Variants in ANK3 observed in about 807,000 individuals in gnomAD.
ANK3 encodes the protein ankyrin 3, also known as ankyrin-3.
In ANK3, 57 loss-of-function variants were observed where a neutral mutation model predicts 370.9. That is an observed-to-expected ratio of 0.15 (90% CI 0.12 to 0.19). The LOEUF (loss-of-function observed/expected upper bound fraction) is 0.19. ANK3 is among the 10% of genes least tolerant of loss of function. ANK3 has a pLI of 1.00. For missense variants in ANK3, 4,439 were observed against 5,302.1 expected (o/e 0.84, Z 5.06); for synonymous variants, 1,929 against 1,946.3 (o/e 0.99, Z 0.23).
intron 16 of ANK3, among the ~76,000 whole-genome samples, chr10:60,194,889 C>T (rs1447790068): frequency 2.6e-5 from 4 of 151,986 alleles, no homozygotes; most frequent in Admixed American, 1.3e-4. Context: ...AGAAAATGAT[C>T]GAAAGTTTCC....
chr10:60,382,916 C>T (rs1403506867), intron 1 of ANK3, among the ~76,000 whole-genome samples: 1 of 150,616 alleles, frequency 6.6e-6, no homozygotes, highest in Non-Finnish European at 1.5e-5. Context: ...ATATACAAAT[C>T]TAGATTTTGC....
chr10:60,617,938 GAT>G (rs1477015925), intron 1 of ANK3, among the ~76,000 whole-genome samples: 1 of 152,108 alleles, frequency 6.6e-6, no homozygotes, highest in African/African-American at 2.4e-5. Context: ...TCTTTTAACT[GAT>G]TAAAAGAGCA....
At chr10:60,413,338 T>C (rs1318899787) in intron 2 of ANK3, among the ~76,000 whole-genome samples, 2 of 152,256 alleles carry the variant, frequency 1.3e-5, no homozygotes, top group African/African-American at 2.4e-5. Context: ...CGTTCCTTTA[T>C]GTTACTACCT....
intron 1 of ANK3, among the ~76,000 whole-genome samples, chr10:60,352,150 A>G (rs1359674790): frequency 2.0e-5 from 3 of 152,050 alleles, no homozygotes; most frequent in Non-Finnish European, 4.4e-5. Context: ...ACCAAAAATT[A>G]GTCAGGCATG....
In ANK3 at chr10:60,532,333, C is replaced by G. The variant is rs139291217; in HGVS notation, c.96+82853G>C. On this transcript the variant is annotated intron_variant, in intron 2 of 43. Coordinates refer to the ANK3 transcript ENST00000373827. ...GGGTGCACTCTTTCATTTACACAACCAGGGTGCTGCTGTACCTCCCAGGAC... is the reference window on the plus strand; with the variant it reads ...GGGTGCACTCTTTCATTTACACAACGAGGGTGCTGCTGTACCTCCCAGGAC... Among the ~76,000 whole-genome samples the G allele has an allele frequency of 2.0e-5, 3 of 152,232 alleles. 1 individual carries two copies. The highest frequency in any genetic ancestry group is 7.2e-5 in the African/African-American group (3 of 41,546).
intron 2 of ANK3, among the ~76,000 whole-genome samples, chr10:60,531,125 G>A (rs1034978226): frequency 6.6e-6 from 1 of 152,060 alleles, no homozygotes; most frequent in African/African-American, 2.4e-5. Context: ...GATGTTTTTG[G>A]ACTTTGGGTG....
chr10:60,380,603 G>C (rs1457458686), intron 1 of ANK3, among the ~76,000 whole-genome samples: 1 of 152,122 alleles, frequency 6.6e-6, no homozygotes, highest in Non-Finnish European at 1.5e-5. Context: ...TAGAATGCCT[G>C]GCCCACTGTA....
At chr10:60,535,408 T>C (rs2076701216) in intron 2 of ANK3, among the ~76,000 whole-genome samples, 1 of 152,122 alleles carries the variant, frequency 6.6e-6, no homozygotes, top group South Asian at 2.1e-4. Flanking sequence ...TAGTCCTTTA[T>C]TGCAGAAGAC....
intron 1 of ANK3, among the ~76,000 whole-genome samples, chr10:60,626,726 A>G (rs1045715354): frequency 2.0e-5 from 3 of 152,182 alleles, no homozygotes; most frequent in African/African-American, 7.2e-5. Flanking sequence ...TTTAAAAGGT[A>G]AAAGGAGACA....
At chr10:60,668,750 T>A (rs1418255278) in intron 1 of ANK3, among the ~76,000 whole-genome samples, 1 of 152,036 alleles carries the variant, frequency 6.6e-6, no homozygotes, top group Non-Finnish European at 1.5e-5. Flanking sequence ...TCCCAGCACT[T>A]TGGGAGGCTG....
chr10:60,430,627 A>G (rs1595017012), intron 2 of ANK3, among the ~76,000 whole-genome samples: 2 of 152,302 alleles, frequency 1.3e-5, no homozygotes, highest in African/African-American at 4.8e-5. Flanking sequence ...TGGTTATCCT[A>G]GTTACACGTA....
At chr10:60,161,666 CAT>C (rs1415288121) in intron 23 of ANK3, among the ~76,000 whole-genome samples, 2 of 151,622 alleles carry the variant, frequency 1.3e-5, no homozygotes, top group Admixed American at 6.6e-5. Context: ...CGTTCTCACT[CAT>C]ATGTGGGAAC....
intron 2 of ANK3, among the ~76,000 whole-genome samples, chr10:60,563,199 G>A (rs1373585294): frequency 6.6e-6 from 1 of 152,096 alleles, no homozygotes; most frequent in Non-Finnish European, 1.5e-5. Flanking sequence ...TTATGATTAA[G>A]CAAGCAGTTT....
At chr10:60,393,335 G>C (rs181844748), upstream of ANK3, among the ~76,000 whole-genome samples, 256 of 152,198 alleles carry the variant, frequency 1.7e-3, 1 homozygote, top group African/African-American at 5.6e-3. Flanking sequence ...GTTACTAGAA[G>C]TTATGTCAAA....
chr10:60,330,521 A>G (rs892369290), intron 1 of ANK3, among the ~76,000 whole-genome samples: 4 of 152,228 alleles, frequency 2.6e-5, no homozygotes, highest in Admixed American at 2.6e-4. Context: ...ATGAAAAAAA[A>G]GCTCATCATC....
intron 2 of ANK3, among the ~76,000 whole-genome samples, chr10:60,530,045 C>T (rs1409585239): frequency 6.6e-6 from 1 of 152,172 alleles, no homozygotes; most frequent in African/African-American, 2.4e-5. Flanking sequence ...TTGAGAACGT[C>T]TCCCTCTGGC....
At chr10:60,351,512 G>A (rs1279653976) in intron 1 of ANK3, among the ~76,000 whole-genome samples, 1 of 152,198 alleles carries the variant, frequency 6.6e-6, no homozygotes, top group Non-Finnish European at 1.5e-5. Context: ...CAGGGCAGGA[G>A]CATTGGGGAA....
At chr10:60,733,456 C>T (rs1038710765) in exon 1 of ANK3, 2 of 767,642 alleles carry the variant, frequency 2.6e-6, no homozygotes, top group Non-Finnish European at 3.5e-6. Flanking sequence ...GGCCCCGCGA[C>T]GCCCGCCCAG....
At chr10:60,205,647 C>G (rs1329649401) in intron 11 of ANK3, 145 bp downstream of exon 11, 3 of 608,634 alleles carry the variant, frequency 4.9e-6, no homozygotes. Flanking sequence ...GGACTGGCAG[C>G]CCTCTTCCTA....
Sources: allele counts gnomAD v4.1 joint callset (sites outside exome capture counted in the v4.1 genomes callset), GRCh38; gene constraint gnomAD v4.1.1; transcripts MANE v1.5; gene names NCBI Gene and HGNC (gene_info 2026-07-23, HGNC 2026-07-21).